Variants in BNC2 observed in about 807,000 individuals in gnomAD.
BNC2 encodes basonuclin zinc finger protein 2.
BNC2 carries 20 observed loss-of-function variants against 76.3 expected under a neutral mutation model. The ratio of observed to expected loss-of-function variants is 0.26; its 90% confidence interval spans 0.18 to 0.38. BNC2 has a LOEUF of 0.38. Ranked by LOEUF, BNC2 falls within the 10% of genes least tolerant of loss-of-function variation. The pLI is 1.00. For missense variants in BNC2, 1,382 were observed against 1,399.8 expected (o/e 0.99, Z 0.20); for synonymous variants, 582 against 514.8 (o/e 1.13, Z -1.77).
chr9:16,619,860 G>T (rs1485849538), intron 3 of BNC2, among the ~76,000 whole-genome samples: 1 of 152,154 alleles, frequency 6.6e-6, no homozygotes, highest in Non-Finnish European at 1.5e-5. Context: ...AAGAAAGGTG[G>T]TAAGTGTTCT....
chr9:16,670,669 G>A (rs148754809), intron 3 of BNC2, among the ~76,000 whole-genome samples: 77 of 152,204 alleles, frequency 5.1e-4, no homozygotes, highest in African/African-American at 1.8e-3. Flanking sequence ...TGTTCCAAGA[G>A]GTAAGATAAA....
intron 1 of BNC2, among the ~76,000 whole-genome samples, chr9:16,784,970 G>A (rs1426715115): frequency 3.3e-5 from 5 of 152,168 alleles, no homozygotes; most frequent in Admixed American, 1.3e-4. Flanking sequence ...TTAAGCCCGT[G>A]AGACCCAGAG....
rs565023133 is a variant in BNC2 at position 16,669,088 on chromosome 9, G to A, written c.330+58709C>T. On this transcript the variant is annotated intron_variant, in intron 3 of 6. Transcript: ENST00000380672. Reference sequence around the variant, plus strand: ...TCATAATACCCACTTTGGGGACTGAGGAAGACTTACTGTAAATCAGCCACT... The same window carrying A: ...TCATAATACCCACTTTGGGGACTGAAGAAGACTTACTGTAAATCAGCCACT... Among the ~76,000 whole-genome samples, 5 of 152,232 alleles carry A rather than the reference G, an allele frequency of 3.3e-5. No homozygotes were observed. The South Asian group carries it at 1.0e-3, about 32-fold the overall frequency.
chr9:16,599,111 GACTACTCCA>G (rs1820173323), intron 3 of BNC2, among the ~76,000 whole-genome samples: 1 of 152,152 alleles, frequency 6.6e-6, no homozygotes, highest in African/African-American at 2.4e-5. Flanking sequence ...GCTAAGATTT[GACTACTCCA>G]AAGACAATGC....
At chr9:16,792,587 G>A (rs974465620) in intron 1 of BNC2, among the ~76,000 whole-genome samples, 2 of 152,180 alleles carry the variant, frequency 1.3e-5, no homozygotes, top group Non-Finnish European at 2.9e-5. Flanking sequence ...TGCAGAAGGG[G>A]CCAAAAGAAT....
chr9:16,419,741 C>A, intron 6 of BNC2, 92 bp from the exon 7 acceptor site: 1 of 835,014 alleles, frequency 1.2e-6, no homozygotes. Context: ...TCAGCTTTCA[C>A]TAGGTATCAA....
At chr9:16,602,336 T>C (rs549131841) in intron 3 of BNC2, among the ~76,000 whole-genome samples, 1 of 152,358 alleles carries the variant, frequency 6.6e-6, no homozygotes, top group East Asian at 1.9e-4. Flanking sequence ...AATTACTTCA[T>C]AGAGATTTTC....
At chr9:16,867,787 C>T (rs1819578297) in intron 1 of BNC2, 1 of 139,234 alleles carries the variant, frequency 7.2e-6, no homozygotes, top group South Asian at 2.3e-4. Context: ...TAATTTCAGT[C>T]CCACAAGGAC....
At chr9:16,584,621 T>C (rs1381083135) in intron 3 of BNC2, among the ~76,000 whole-genome samples, 4 of 152,200 alleles carry the variant, frequency 2.6e-5, no homozygotes, top group Admixed American at 1.3e-4. Context: ...CATGGTCCAA[T>C]TGTAGCTAGG....
chr9:16,790,813 T>C (rs896067700), intron 1 of BNC2, among the ~76,000 whole-genome samples: 2 of 108,620 alleles, frequency 1.8e-5, no homozygotes, highest in Non-Finnish European at 3.5e-5. Context: ...ATTCCCTTGG[T>C]AAGCTTTTTT....
At chr9:16,745,159 T>C (rs1374902263) in intron 1 of BNC2, among the ~76,000 whole-genome samples, 2 of 152,296 alleles carry the variant, frequency 1.3e-5, no homozygotes, top group Non-Finnish European at 2.9e-5. Flanking sequence ...ACATTTTTAT[T>C]AGTGCAAAAG....
chr9:16,473,988 A>G (rs903566868), intron 5 of BNC2, among the ~76,000 whole-genome samples: 3 of 152,220 alleles, frequency 2.0e-5, no homozygotes, highest in Non-Finnish European at 4.4e-5. Context: ...CAGTCATGTG[A>G]TATTATAGCT....
chr9:16,549,663 G>A (rs563157775), intron 5 of BNC2, among the ~76,000 whole-genome samples: 2 of 152,132 alleles, frequency 1.3e-5, no homozygotes, highest in Admixed American at 1.3e-4. Flanking sequence ...TAGAAGAATG[G>A]GTTTACTTTT....
intron 1 of BNC2, among the ~76,000 whole-genome samples, chr9:16,800,070 C>T (rs980007040): frequency 1.3e-5 from 2 of 151,834 alleles, no homozygotes; most frequent in Non-Finnish European, 2.9e-5. Flanking sequence ...ACTAAAAATA[C>T]AAAAATTAGC....
At chr9:16,522,701 T>C (rs1306712400) in intron 5 of BNC2, among the ~76,000 whole-genome samples, 1 of 152,124 alleles carries the variant, frequency 6.6e-6, no homozygotes, top group Non-Finnish European at 1.5e-5. Context: ...TTATTCCCCC[T>C]TTCCATCCAT....
At chr9:16,860,610 G>C (rs1038805573) in intron 1 of BNC2, among the ~76,000 whole-genome samples, 3 of 152,040 alleles carry the variant, frequency 2.0e-5, no homozygotes, top group African/African-American at 7.2e-5. Flanking sequence ...AAAACACAGA[G>C]GTAAATCTTC....
intron 3 of BNC2, chr9:16,704,745 T>C (rs1823614599): frequency 7.3e-6 from 1 of 137,806 alleles, no homozygotes; most frequent in South Asian, 2.3e-4. Flanking sequence ...AATGGTAACA[T>C]ACAGTACCAT....
chr9:16,483,723 T>C (rs554532310), intron 5 of BNC2, among the ~76,000 whole-genome samples: 27 of 152,324 alleles, frequency 1.8e-4, no homozygotes, highest in African/African-American at 5.3e-4. Flanking sequence ...GGGATACTTA[T>C]TTCTACAGCA....
intron 2 of BNC2, among the ~76,000 whole-genome samples, chr9:16,738,026 G>C (rs910614781): frequency 8.6e-5 from 13 of 152,000 alleles, no homozygotes; most frequent in African/African-American, 2.9e-4. Context: ...ATTAAAAATA[G>C]TGATAACAAT....
Sources: gnomAD v4.1 joint callset for allele counts (sites outside exome capture counted in the v4.1 genomes callset) on GRCh38, gnomAD v4.1.1 for gene constraint, MANE v1.5 for transcripts, NCBI Gene and HGNC (gene_info 2026-07-23, HGNC 2026-07-21) for gene names.